Variants in FNDC3B observed in about 807,000 individuals in gnomAD.
FNDC3B encodes the protein fibronectin type III domain-containing protein 3B.
A neutral mutation model predicts 151.5 loss-of-function variants in FNDC3B; 12 were observed. That is an observed-to-expected ratio of 0.08 (90% confidence interval 0.05 to 0.13). The LOEUF is 0.13. FNDC3B is among the 10% of genes least tolerant of loss of function. The probability of loss-of-function intolerance (pLI) is 1.00; values close to 1 mark genes in which losing one functional copy is unlikely to be tolerated. For missense variants in FNDC3B, 1,214 were observed against 1,505.3 expected (o/e 0.81, Z 3.20); for synonymous variants, 528 against 549.0 (o/e 0.96, Z 0.54).
At chr3:172,381,131 A>G (rs776625407) in intron 25 of FNDC3B, 38 bp downstream of exon 25, 57 of 1,609,716 alleles carry the variant, frequency 3.5e-5, no homozygotes, top group Non-Finnish European at 4.8e-5. Flanking sequence ...GCAACTGAGT[A>G]TGGCTGGCTC....
At chr3:172,140,240 C>G (rs1015103242) in intron 3 of FNDC3B, among the ~76,000 whole-genome samples, 3 of 151,920 alleles carry the variant, frequency 2.0e-5, no homozygotes, top group Middle Eastern at 3.4e-3. Context: ...CCTTATGATA[C>G]TTAAATGTTA....
At chr3:172,374,217 T>C (rs572050440) in intron 23 of FNDC3B, among the ~76,000 whole-genome samples, 87 of 152,294 alleles carry the variant, frequency 5.7e-4, no homozygotes, top group African/African-American at 1.9e-3. Flanking sequence ...CCTCTTACCA[T>C]GCGGCTGACT....
At chr3:172,303,467 A>G (rs1300664549) in intron 9 of FNDC3B, among the ~76,000 whole-genome samples, 2 of 152,260 alleles carry the variant, frequency 1.3e-5, no homozygotes, top group East Asian at 3.8e-4. Context: ...CTAGTATGTT[A>G]CATCGTGCTA....
chr3:172,058,954 T>C (rs1400538577), intron 1 of FNDC3B, among the ~76,000 whole-genome samples: 1 of 152,242 alleles, frequency 6.6e-6, no homozygotes, highest in Non-Finnish European at 1.5e-5. Flanking sequence ...ATGAACATTT[T>C]CTTTTCTCCG....
intron 6 of FNDC3B, among the ~76,000 whole-genome samples, chr3:172,269,470 A>T (rs1307761187): frequency 2.0e-5 from 3 of 146,418 alleles, no homozygotes; most frequent in African/African-American, 7.6e-5. Flanking sequence ...TGGTCTTGCT[A>T]TGTTGCCCAG....
chr3:172,373,872 G>T (rs1288650788), intron 23 of FNDC3B, among the ~76,000 whole-genome samples: 1 of 152,188 alleles, frequency 6.6e-6, no homozygotes, highest in Non-Finnish European at 1.5e-5. Flanking sequence ...TATTATTCTT[G>T]TGTTGGCATA....
At chr3:172,314,011 G>A (rs953398720) in intron 11 of FNDC3B, among the ~76,000 whole-genome samples, 3 of 152,156 alleles carry the variant, frequency 2.0e-5, no homozygotes, top group African/African-American at 7.2e-5. Flanking sequence ...ACAGGAGAAC[G>A]GCATCTGGTC....
intron 1 of FNDC3B, among the ~76,000 whole-genome samples, chr3:172,065,579 T>C (rs1465234070): frequency 6.6e-6 from 1 of 152,224 alleles, no homozygotes. Flanking sequence ...AGCACTTTGT[T>C]TTTACTATAT....
At chr3:172,149,148 C>T (rs1056225589) in intron 3 of FNDC3B, among the ~76,000 whole-genome samples, 1 of 152,206 alleles carries the variant, frequency 6.6e-6, no homozygotes, top group Admixed American at 6.5e-5. Context: ...TTCACTGATA[C>T]AAATCTTACT....
intron 1 of FNDC3B, among the ~76,000 whole-genome samples, chr3:172,102,540 G>A (rs1719424454): frequency 6.6e-6 from 1 of 152,192 alleles, no homozygotes; most frequent in Non-Finnish European, 1.5e-5. Flanking sequence ...CTATCTGGAA[G>A]TCATGTACTT....
chr3:172,251,560 G>T lies in FNDC3B; in HGVS notation c.790+19G>T. ...TTGCAAGGTAATACTCAAGATGTTT[G>T]CCATAGAGTGAATTATCAAGACAGA... is the stretch of plus-strand genomic sequence containing the variant. On this transcript the variant is annotated intron_variant, in intron 6 of 25. Coordinates refer to ENST00000415807, the MANE Select transcript of FNDC3B (RefSeq NM_022763.4). The T allele has an allele frequency of 6.3e-7, 1 of 1,583,628 alleles. No homozygotes were observed. Among genetic ancestry groups the T allele is most frequent in the Non-Finnish European group, 8.6e-7 (1 of 1,163,064 alleles).
At position 172,312,540 on chromosome 3, in the gene FNDC3B, T is replaced by C. The variant is rs140298848; in HGVS notation, c.1254+1659T>C. 2.9e-3 allele frequency among the ~76,000 whole-genome samples: 442 copies of C among 152,292 alleles called. 1 individual carries two copies. Among genetic ancestry groups the C allele is most frequent in the African/African-American group, 0.01 (421 of 41,558 alleles). ...ATGAAAGTCTCTTTTTATATGTTGA[T>C]TTGTTGCACTCACCTTGTTTTTTCT... On this transcript the variant is annotated intron_variant, in intron 11 of 25. Coordinates refer to ENST00000415807, the MANE Select transcript of FNDC3B (RefSeq NM_022763.4).
chr3:172,131,089 G>A (rs1002519132), intron 2 of FNDC3B, among the ~76,000 whole-genome samples: 1 of 152,198 alleles, frequency 6.6e-6, no homozygotes, highest in African/African-American at 2.4e-5. Flanking sequence ...GACTTTAAAA[G>A]CTCCTTTTCA....
In FNDC3B at chr3:172,340,846, A is replaced by AT. The variant is rs1375236847; in HGVS notation, c.1853-265dup. On this transcript the variant is annotated intron_variant, in intron 16 of 25. Coordinates refer to ENST00000415807, the MANE Select transcript of FNDC3B (RefSeq NM_022763.4). ...TCCCTCCATGCCAGCGGCACGTTTC[A>AT]TTATGGTTTCCCACATCCAAACCTC... is the stretch of plus-strand genomic sequence containing the variant. Among the ~76,000 whole-genome samples, 13 of 152,260 alleles carry AT rather than the reference A, an allele frequency of 8.5e-5. No individual in the cohort carries two copies. The East Asian group carries it at 2.3e-3, about 27-fold the overall frequency.
At chr3:172,226,814 A>T in intron 3 of FNDC3B, 57 bp from the exon 4 acceptor site, 1 of 1,100,418 alleles carries the variant, frequency 9.1e-7, no homozygotes, top group Non-Finnish European at 1.4e-6. Flanking sequence ...GAAAACATTA[A>T]TTATTTTGAA....
intron 2 of FNDC3B, among the ~76,000 whole-genome samples, chr3:172,112,870 T>C (rs937182357): frequency 5.9e-5 from 9 of 152,226 alleles, no homozygotes; most frequent in African/African-American, 2.2e-4. Context: ...ATAAAATGAC[T>C]GTTTATTCAT....
At chr3:172,167,671 G>A (rs1168711728) in intron 3 of FNDC3B, among the ~76,000 whole-genome samples, 5 of 152,316 alleles carry the variant, frequency 3.3e-5, no homozygotes, top group Non-Finnish European at 1.5e-5. Flanking sequence ...TCTGTGGCAT[G>A]TTAGGAACCA....
At chr3:172,353,206 A>G in intron 22 of FNDC3B, 123 bp downstream of exon 22, 3 of 939,112 alleles carry the variant, frequency 3.2e-6, no homozygotes, top group South Asian at 1.7e-5. Context: ...CCAGATGTCC[A>G]GAGTATTGTC....
At chr3:172,162,366 C>T (rs1015978988) in intron 3 of FNDC3B, among the ~76,000 whole-genome samples, 10 of 152,168 alleles carry the variant, frequency 6.6e-5, no homozygotes, top group African/African-American at 2.4e-4. Context: ...ATGGATGTAT[C>T]ACACTGTATT....
Sources: gnomAD v4.1 joint callset for allele counts (sites outside exome capture counted in the v4.1 genomes callset) on GRCh38, gnomAD v4.1.1 for gene constraint, MANE v1.5 for transcripts, NCBI Gene and HGNC (gene_info 2026-07-23, HGNC 2026-07-21) for gene names.